ZNF131: variants seen among roughly 807,000 people sequenced by gnomAD.
ZNF131 encodes zinc finger and BTB domain containing 35.
Under a neutral mutation model 60.0 loss-of-function variants are expected in ZNF131, and 7 were observed. The ratio of observed to expected loss-of-function variants is 0.12; its 90% CI spans 0.07 to 0.22. The LOEUF (loss-of-function observed/expected upper bound fraction) is 0.22. ZNF131 is among the 10% of genes least tolerant of loss of function. The probability of loss-of-function intolerance (pLI) is 1.00; values close to 1 mark genes in which losing one functional copy is unlikely to be tolerated. For synonymous variants in ZNF131, 257 were observed against 253.2 expected (o/e 1.01, Z -0.14); for missense variants, 493 against 740.9 (o/e 0.67, Z 3.88).
chr5:43,146,019 AAGG>A (rs1313301393), intron 4 of ZNF131, among the ~76,000 whole-genome samples: 5 of 152,188 alleles, frequency 3.3e-5, no homozygotes, highest in African/African-American at 1.2e-4. Flanking sequence ...TTTGTCATCA[AAGG>A]AGTGACCACA....
chr5:43,139,420 A>T (rs1746527946), intron 4 of ZNF131, 111 bp downstream of exon 4: 1 of 1,158,872 alleles, frequency 8.6e-7, no homozygotes, highest in Non-Finnish European at 1.1e-6. Context: ...TCTTCAGAAG[A>T]ATTAAGAATA....
chr5:43,147,261 T>TAAAAAAAATA (rs1342983013), intron 4 of ZNF131, among the ~76,000 whole-genome samples: 1 of 152,100 alleles, frequency 6.6e-6, no homozygotes, highest in East Asian at 1.9e-4. Context: ...ATTAAAATAA[T>TAAAAAAAATA]GCTACTGTAT....
At chr5:43,136,864 A>T (rs1302972467) in intron 3 of ZNF131, among the ~76,000 whole-genome samples, 2 of 151,936 alleles carry the variant, frequency 1.3e-5, no homozygotes, top group Non-Finnish European at 2.9e-5. Context: ...TTAAAGAGAC[A>T]TACAGACCAA....
intron 3 of ZNF131, among the ~76,000 whole-genome samples, chr5:43,136,264 C>G (rs1313246808): frequency 6.6e-6 from 1 of 152,130 alleles, no homozygotes; most frequent in Non-Finnish European, 1.5e-5. Flanking sequence ...AAATCCAAAA[C>G]AGTTGTGATC....
intron 4 of ZNF131, among the ~76,000 whole-genome samples, chr5:43,158,378 C>T (rs983809785): frequency 1.3e-5 from 2 of 152,226 alleles, no homozygotes; most frequent in African/African-American, 4.8e-5. Context: ...CAACCTCCAC[C>T]TCCTGGGTTC....
At chr5:43,166,364 CTTT>C (rs1019949607) in intron 5 of ZNF131, among the ~76,000 whole-genome samples, 1 of 131,270 alleles carries the variant, frequency 7.6e-6, no homozygotes. Context: ...ACAAGTGACT[CTTT>C]TTTTTTTTTT....
chr5:43,139,126 C>G (rs746061168), intron 3 of ZNF131, 39 bp from the exon 4 acceptor site: 4 of 1,448,868 alleles, frequency 2.8e-6, no homozygotes, highest in Non-Finnish European at 3.7e-6. Flanking sequence ...AGATTTGAGT[C>G]AATATGATTA....
intron 5 of ZNF131, chr5:43,167,885 C>T (rs1561446636): frequency 2.3e-6 from 1 of 434,580 alleles, no homozygotes; most frequent in Non-Finnish European, 4.6e-6. Context: ...ATAACAATAC[C>T]TGAAACTGGA....
Position 43,167,752 on chromosome 5 carries a change from G to A in ZNF131, c.1055-5566G>A, listed in dbSNP as rs1437848359. On this transcript the variant is annotated intron_variant, in intron 5 of 6. Transcript: ENST00000682664. ...GGATATGCTGGCAGGGGACAAGCATGTGCAATCTGTGTAACATGTTAAGTG... is the reference window on the plus strand; with the variant it reads ...GGATATGCTGGCAGGGGACAAGCATATGCAATCTGTGTAACATGTTAAGTG... 3.3e-5 allele frequency among the ~76,000 whole-genome samples: 5 copies of A among 152,202 alleles called. No individual in the cohort carries two copies. The East Asian group carries it at 9.6e-4, about 29-fold the overall frequency.
At chr5:43,121,663 TC>T (rs1743836536) in intron 1 of ZNF131, 1 of 150,312 alleles carries the variant, frequency 6.7e-6, no homozygotes. Flanking sequence ...CCGGACCGGG[TC>T]CCGGGGCGGT....
intron 1 of ZNF131, among the ~76,000 whole-genome samples, chr5:43,121,339 C>G (rs1293509468): frequency 2.0e-5 from 3 of 152,190 alleles, no homozygotes; most frequent in African/African-American, 7.2e-5. Context: ...CTGCAGTAGC[C>G]CAAGCCCACC....
chr5:43,122,695 T>C (rs909485103), intron 2 of ZNF131, among the ~76,000 whole-genome samples: 6 of 152,210 alleles, frequency 3.9e-5, no homozygotes, highest in Admixed American at 1.3e-4. Context: ...CCAGCGTGGG[T>C]ATGTTTTCTG....
At chr5:43,139,107 A>C (rs577928981) in intron 3 of ZNF131, 58 bp from the exon 4 acceptor site, 1 of 1,354,076 alleles carries the variant, frequency 7.4e-7, no homozygotes, top group African/African-American at 1.5e-5. Flanking sequence ...TTCTTTACTA[A>C]ACATTGTAAG....
chr5:43,174,215 C>T (rs913751652), intron 6 of ZNF131, among the ~76,000 whole-genome samples: 1 of 152,088 alleles, frequency 6.6e-6, no homozygotes, highest in Non-Finnish European at 1.5e-5. Context: ...GCAACAAGAG[C>T]GAGACTTTGT....
intron 5 of ZNF131, chr5:43,167,967 T>C (rs1750565127): frequency 2.2e-6 from 1 of 454,328 alleles, no homozygotes; most frequent in Non-Finnish European, 4.4e-6. Context: ...TGAGGCCACA[T>C]CTGGTGAGAG....
intron 4 of ZNF131, among the ~76,000 whole-genome samples, chr5:43,156,359 A>G (rs1748964237): frequency 6.6e-6 from 1 of 152,178 alleles, no homozygotes; most frequent in African/African-American, 2.4e-5. Flanking sequence ...GGATGAGTAT[A>G]TTGCTTTCAG....
Position 43,175,596 on chromosome 5 carries a change from C to G in ZNF131, c.*463C>G, listed in dbSNP as rs1186161959. 17 of 582,332 alleles carry G rather than the reference C, an allele frequency of 2.9e-5. No homozygotes were observed. Among genetic ancestry groups the G allele is most frequent in the Non-Finnish European group, 5.1e-5 (17 of 332,122 alleles). The allele number at this position is 582,332 out of a possible 1,614,324, so 36.1% of individuals were successfully genotyped here. On this transcript the variant is annotated 3_prime_UTR_variant, in exon 7 of 7. Transcript: ENST00000682664. ...CTGCATGATGAAAAGTGCATTGTTA[C>G]TGTGCAGTTAAATTTTGGCTTCTGG...
At chr5:43,153,709 T>A (rs1748610621) in intron 4 of ZNF131, among the ~76,000 whole-genome samples, 1 of 152,122 alleles carries the variant, frequency 6.6e-6, no homozygotes, top group South Asian at 2.1e-4. Flanking sequence ...TTTATATTAC[T>A]TCCCTCCCCT....
At chr5:43,165,489 C>G (rs1266876378) in intron 5 of ZNF131, among the ~76,000 whole-genome samples, 1 of 152,214 alleles carries the variant, frequency 6.6e-6, no homozygotes, top group Non-Finnish European at 1.5e-5. Context: ...CCTTGTACCT[C>G]TCCCTCTGAA....
Sources: allele counts gnomAD v4.1 joint callset (sites outside exome capture counted in the v4.1 genomes callset), GRCh38; gene constraint gnomAD v4.1.1; transcripts MANE v1.5; gene names NCBI Gene and HGNC (gene_info 2026-07-23, HGNC 2026-07-21).